The following RGS20 variants were observed in gnomAD, a reference collection of about 807,000 sequenced individuals.
RGS20 encodes the protein regulator of G protein signaling 20.
RGS20 carries 30 observed loss-of-function variants against 33.6 expected under a neutral mutation model. The observed-to-expected ratio is 0.89, with a 90% CI of 0.67 to 1.21. The LOEUF (loss-of-function observed/expected upper bound fraction) is 1.21. Among genes scored for constraint, RGS20 ranks in the 50% most tolerant of loss-of-function variants. The pLI, the probability that RGS20 is intolerant of heterozygous loss-of-function variation, is 0.00. For synonymous variants in RGS20, 208 were observed against 197.9 expected, an observed-to-expected ratio of 1.05 and a Z score of -0.43; for missense variants, 472 against 502.4, an observed-to-expected ratio of 0.94 and a Z score of 0.58.
intron 5 of RGS20, 152 bp downstream of exon 4, chr8:53,954,462 G>C: frequency 1.8e-6 from 1 of 552,700 alleles, no homozygotes; most frequent in Non-Finnish European, 3.3e-6. Flanking sequence ...TGAGGAGTTG[G>C]AGACCAGCCT....
At chr8:53,942,198 G>C (rs376423164) in intron 3 of RGS20, among the ~76,000 whole-genome samples, 7 of 151,942 alleles carry the variant, frequency 4.6e-5, no homozygotes, top group African/African-American at 1.7e-4. Context: ...GCTTGAACCT[G>C]GGAGGCAGAG....
chr8:53,874,175 T>C (rs1366151038), intron 1 of RGS20, among the ~76,000 whole-genome samples: 8 of 152,006 alleles, frequency 5.3e-5, no homozygotes, highest in African/African-American at 1.7e-4. Context: ...CAAGACTCCG[T>C]CTCAGAAAAA....
intron 1 of RGS20, among the ~76,000 whole-genome samples, chr8:53,859,525 G>A (rs564780776): frequency 6.6e-6 from 1 of 152,238 alleles, no homozygotes; most frequent in African/African-American, 2.4e-5. Context: ...AATCAAGCCA[G>A]TCTTCACAAA....
intron 2 of RGS20, among the ~76,000 whole-genome samples, chr8:53,928,716 G>A (rs985283021): frequency 6.6e-6 from 1 of 152,026 alleles, no homozygotes; most frequent in African/African-American, 2.4e-5. Context: ...CTAGCTACTC[G>A]GGAGGCTGAG....
intron 2 of RGS20, among the ~76,000 whole-genome samples, chr8:53,889,239 G>A (rs1311227761): frequency 6.6e-6 from 1 of 151,914 alleles, no homozygotes; most frequent in African/African-American, 2.4e-5. Flanking sequence ...CATTCTGGTG[G>A]CTGTGTAGTG....
intron 2 of RGS20, among the ~76,000 whole-genome samples, chr8:53,922,113 ACT>A (rs1167789554): frequency 6.6e-6 from 1 of 151,860 alleles, no homozygotes; most frequent in African/African-American, 2.4e-5. Context: ...GAACTTTATT[ACT>A]GTTATCATTG....
intron 1 of RGS20, among the ~76,000 whole-genome samples, chr8:53,871,696 C>A (rs1812073159): frequency 6.6e-6 from 1 of 152,128 alleles, no homozygotes; most frequent in Non-Finnish European, 1.5e-5. Context: ...CTAAATAACA[C>A]TAGAGGACAG....
chr8:53,940,097 C>T (rs1814246706), intron 3 of RGS20, among the ~76,000 whole-genome samples: 1 of 152,098 alleles, frequency 6.6e-6, no homozygotes, highest in South Asian at 2.1e-4. Context: ...AAGGTTAGGG[C>T]GATGAAGTAG....
intron 2 of RGS20, among the ~76,000 whole-genome samples, chr8:53,911,151 A>C (rs1419569572): frequency 6.6e-6 from 1 of 152,252 alleles, no homozygotes; most frequent in Non-Finnish European, 1.5e-5. Flanking sequence ...TAACTGGATA[A>C]AAATTTGTAC....
intron 2 of RGS20, among the ~76,000 whole-genome samples, chr8:53,936,330 G>A (rs1563416100): frequency 6.6e-6 from 1 of 152,178 alleles, no homozygotes; most frequent in Non-Finnish European, 1.5e-5. Context: ...CAGATGACAT[G>A]ATTGTATATT....
At chr8:53,947,177 G>C (rs925896347) in intron 4 of RGS20, among the ~76,000 whole-genome samples, 1 of 144,444 alleles carries the variant, frequency 6.9e-6, no homozygotes, top group Non-Finnish European at 1.5e-5. Flanking sequence ...CTCTATATAA[G>C]ATATAGCATA....
At chr8:53,873,714 G>C (rs1563348808) in intron 1 of RGS20, among the ~76,000 whole-genome samples, 1 of 152,196 alleles carries the variant, frequency 6.6e-6, no homozygotes, top group Non-Finnish European at 1.5e-5. Context: ...TTATTGCTTA[G>C]TTCTTACAAA....
chr8:53,924,625 C>T (rs1813744493), intron 2 of RGS20, among the ~76,000 whole-genome samples: 1 of 152,130 alleles, frequency 6.6e-6, no homozygotes, highest in Non-Finnish European at 1.5e-5. Context: ...TGCCCAGCTG[C>T]AAGTTCATTT....
chr8:53,881,761 C>T (rs1368128035), intron 2 of RGS20, among the ~76,000 whole-genome samples: 4 of 152,110 alleles, frequency 2.6e-5, no homozygotes, highest in Non-Finnish European at 4.4e-5. Flanking sequence ...TTCGCCTGCG[C>T]CAGGGCAGTT....
chr8:53,921,442 C>CTTTTTTT (rs879442015), intron 2 of RGS20, among the ~76,000 whole-genome samples: 2 of 125,240 alleles, frequency 1.6e-5, no homozygotes, highest in Non-Finnish European at 3.5e-5. Flanking sequence ...CTGAGCTTTT[C>CTTTTTTT]TTTTTTTTTT....
chr8:53,956,612 G>A (rs545565753), intron 5 of RGS20, among the ~76,000 whole-genome samples: 1 of 152,310 alleles, frequency 6.6e-6, no homozygotes, highest in East Asian at 1.9e-4. Context: ...AGGCAGACCA[G>A]GTGGTGGGGT....
intron 4 of RGS20, among the ~76,000 whole-genome samples, chr8:53,951,144 C>T (rs923044954): frequency 6.6e-6 from 1 of 152,172 alleles, no homozygotes; most frequent in Admixed American, 6.5e-5. Context: ...TGCCACATTC[C>T]TTTCTTAGTT....
In RGS20 at chr8:53,947,765, C is replaced by T. The variant is rs182545469; in HGVS notation, c.743+1017C>T. 4.4e-3 allele frequency among the ~76,000 whole-genome samples: 425 copies of T among 97,258 alleles called. 3 individuals are homozygous for T. The highest frequency in any genetic ancestry group is 0.019 in the African/African-American group (394 of 20,298). 63.8% of individuals were successfully genotyped at this position (97,258 alleles called of 152,430 possible). ...GATATAGTACATACATTTATATATG[C>T]TATATATAGGATATAGTATATACAT... On this transcript the variant is annotated intron_variant, in intron 4 of 5. Coordinates refer to ENST00000297313, the MANE Select transcript of RGS20 (RefSeq NM_170587.4).
At chr8:53,940,048 C>G (rs1814245213) in intron 3 of RGS20, among the ~76,000 whole-genome samples, 1 of 152,072 alleles carries the variant, frequency 6.6e-6, no homozygotes, top group African/African-American at 2.4e-5. Context: ...TCGAGGCACT[C>G]CTGTGGTAAT....
Sources: gnomAD v4.1 joint callset for allele counts (sites outside exome capture counted in the v4.1 genomes callset) on GRCh38, gnomAD v4.1.1 for gene constraint, MANE v1.5 for transcripts, NCBI Gene and HGNC (gene_info 2026-07-23, HGNC 2026-07-21) for gene names.